Variants in DDAH1 observed in about 807,000 individuals in gnomAD.
The protein encoded by DDAH1 is dimethylarginine dimethylaminohydrolase 1.
Under a neutral mutation model 28.8 loss-of-function variants are expected in DDAH1, and 19 were observed. That is an observed-to-expected ratio of 0.66 (90% CI 0.46 to 0.97). DDAH1 has a LOEUF of 0.97. Among genes scored for constraint, DDAH1 ranks in the 50% least tolerant of loss-of-function variants. The pLI is 0.00. For missense variants in DDAH1, 326 were observed against 375.9 expected (o/e 0.87, Z 1.10); for synonymous variants, 153 against 154.4 (o/e 0.99, Z 0.07).
chr1:85,540,740 T>A (rs1213553126), intron 1 of DDAH1, among the ~76,000 whole-genome samples: 1 of 151,976 alleles, frequency 6.6e-6, no homozygotes, highest in African/African-American at 2.4e-5. Context: ...GGTGGATCAC[T>A]TGAGGTCAGG....
At chr1:85,477,346 C>A (rs1655838690) in intron 2 of DDAH1, among the ~76,000 whole-genome samples, 2 of 152,088 alleles carry the variant, frequency 1.3e-5, no homozygotes, top group African/African-American at 2.4e-5. Context: ...TGACAGGGGG[C>A]CTGTCAATAA....
intron 1 of DDAH1, chr1:85,448,095 C>A (rs1003100181): frequency 1.3e-5 from 2 of 152,264 alleles, no homozygotes; most frequent in Admixed American, 6.5e-5. Context: ...GAATGCGGCC[C>A]AACACAAATT....
chr1:85,383,504 A>C (rs1464711063), intron 1 of DDAH1, among the ~76,000 whole-genome samples: 1 of 152,232 alleles, frequency 6.6e-6, no homozygotes, highest in Non-Finnish European at 1.5e-5. Context: ...AAATGATAAT[A>C]AAATATTTAG....
At chr1:85,414,679 A>G (rs1224373148) in intron 1 of DDAH1, among the ~76,000 whole-genome samples, 1 of 152,158 alleles carries the variant, frequency 6.6e-6, no homozygotes, top group African/African-American at 2.4e-5. Flanking sequence ...ACTAACCTAC[A>G]ATGCTCTCTT....
Position 85,331,879 on chromosome 1 carries a change from A to G in DDAH1, c.598-6996T>C, listed in dbSNP as rs74096892. On this transcript the variant is annotated intron_variant, in intron 4 of 5. Coordinates refer to ENST00000284031, the MANE Select transcript of DDAH1 (RefSeq NM_012137.4). ...CTGGAATTCAGCAGAGAAGTGACAG[A>G]AAACACCTGAGATACTGAAGGAGAG... Among the ~76,000 whole-genome samples, 1,035 of 152,316 alleles carry G rather than the reference A, an allele frequency of 6.8e-3. 10 individuals carry two copies. Among genetic ancestry groups the G allele is most frequent in the African/African-American group, 0.024 (981 of 41,570 alleles).
intron 2 of DDAH1, 24 bp downstream of exon 2, chr1:85,358,724 T>C (rs776786884): frequency 1.4e-6 from 2 of 1,450,986 alleles, no homozygotes; most frequent in South Asian, 2.5e-5. Flanking sequence ...TATTCTTGGA[T>C]AGAAAAAATA....
At chr1:85,326,177 T>TAGAAGTG (rs1277348459) in intron 4 of DDAH1, among the ~76,000 whole-genome samples, 2 of 152,182 alleles carry the variant, frequency 1.3e-5, no homozygotes, top group Non-Finnish European at 2.9e-5. Context: ...AATCATTCAC[T>TAGAAGTG]TCTAGTGTGG....
At chr1:85,386,019 G>A (rs1368205201) in intron 1 of DDAH1, among the ~76,000 whole-genome samples, 1 of 152,058 alleles carries the variant, frequency 6.6e-6, no homozygotes, top group Non-Finnish European at 1.5e-5. Context: ...ATTACCAGGA[G>A]GATGGCACCA....
At chr1:85,333,494 A>G (rs1391164197) in intron 4 of DDAH1, among the ~76,000 whole-genome samples, 1 of 152,202 alleles carries the variant, frequency 6.6e-6, no homozygotes, top group Non-Finnish European at 1.5e-5. Flanking sequence ...AACTAAATTT[A>G]TGAAGTGCCT....
chr1:85,340,024 G>A (rs1181155152), intron 4 of DDAH1, among the ~76,000 whole-genome samples: 1 of 152,038 alleles, frequency 6.6e-6, no homozygotes, highest in East Asian at 1.9e-4. Context: ...ATCTAACACT[G>A]CTAGAGATGG....
At chr1:85,562,174 T>TAA (rs927142154) in intron 1 of DDAH1, among the ~76,000 whole-genome samples, 1 of 150,670 alleles carries the variant, frequency 6.6e-6, no homozygotes, top group South Asian at 2.1e-4. Context: ...ATGGCTTTAT[T>TAA]AAAAAAAAAC....
chr1:85,530,600 G>A (rs1351348779), intron 1 of DDAH1, among the ~76,000 whole-genome samples: 4 of 151,752 alleles, frequency 2.6e-5, no homozygotes, highest in Non-Finnish European at 4.4e-5. Context: ...TCAGTTCTTC[G>A]TAAAGTGCAT....
chr1:85,554,416 G>A (rs1189308830), intron 1 of DDAH1, among the ~76,000 whole-genome samples: 4 of 151,508 alleles, frequency 2.6e-5, no homozygotes, highest in Non-Finnish European at 5.9e-5. Context: ...TTCTGACTGA[G>A]AATGTGCTTT....
At chr1:85,345,414 C>G (rs1648785943) in intron 4 of DDAH1, among the ~76,000 whole-genome samples, 1 of 151,580 alleles carries the variant, frequency 6.6e-6, no homozygotes, top group African/African-American at 2.4e-5. Context: ...ATGCAGGTTG[C>G]TCTAAAAACT....
At position 85,464,228 on chromosome 1, in the gene DDAH1, T is replaced by G. The variant is rs76015079; in HGVS notation, c.303+515A>C. Among the ~76,000 whole-genome samples, 1,839 of 152,236 alleles carry G rather than the reference T, an allele frequency of 0.012. 35 individuals are homozygous for G. The highest frequency in any genetic ancestry group is 0.043 in the African/African-American group (1,774 of 41,530). On this transcript the variant is annotated intron_variant, in intron 1 of 5. Coordinates refer to ENST00000284031, the MANE Select transcript of DDAH1 (RefSeq NM_012137.4). This position sits in a 1 kb window ranked among gnomAD's most constrained non-coding sequence, Gnocchi z 4.4. Reference sequence around the variant, plus strand: ...GGACTCACTCGCCACCACTGAAAACTAACTTGAGAAGCCCCAGGTCTGTGG... The same window carrying G: ...GGACTCACTCGCCACCACTGAAAACGAACTTGAGAAGCCCCAGGTCTGTGG...
rs12093307 is a variant in DDAH1, at chr1:85,519,321, A to C, written c.-122-23040T>G. Among the ~76,000 whole-genome samples, 281 of 152,116 alleles carry C rather than the reference A, an allele frequency of 1.8e-3. 2 individuals are homozygous for C. The highest frequency in any genetic ancestry group is 6.5e-3 in the African/African-American group (269 of 41,534). On this transcript the variant is annotated intron_variant, in intron 1 of 6. Coordinates refer to the DDAH1 transcript ENST00000426972. Reference sequence around the variant, plus strand: ...CCGTGTTAGCCAGGATGGTCTCGATATCCTGACCTCGTGATCCGCCCGCCG... The same window carrying C: ...CCGTGTTAGCCAGGATGGTCTCGATCTCCTGACCTCGTGATCCGCCCGCCG...
At chr1:85,493,195 A>G (rs187920126) in intron 2 of DDAH1, among the ~76,000 whole-genome samples, 159 of 152,208 alleles carry the variant, frequency 1.0e-3, no homozygotes, top group Non-Finnish European at 1.9e-3. Context: ...GACTGTTTTT[A>G]TAGGCCTCTA....
At chr1:85,392,212 T>A (rs1651585221) in intron 1 of DDAH1, among the ~76,000 whole-genome samples, 1 of 152,160 alleles carries the variant, frequency 6.6e-6, no homozygotes, top group South Asian at 2.1e-4. Flanking sequence ...GAGGAAAGCA[T>A]CTGTTCTAGG....
chr1:85,465,117 G>C lies in DDAH1; in HGVS notation c.-72C>G. 8.5e-7 allele frequency: 1 copy of C among 1,178,752 alleles called. No individual in the cohort carries two copies. The highest frequency in any genetic ancestry group is 1.0e-6 in the Non-Finnish European group (1 of 954,746). The allele number at this position is 1,178,752 out of a possible 1,614,324, so 73.0% of individuals were successfully genotyped here. A position where few individuals can be genotyped will look rare whatever the true frequency, so the allele number is the denominator to read the frequency against. Reference sequence around the variant, plus strand: ...TCCTGCCGCGGGCAGCGCGCGCTGAGCCTGCGAGCGCCCGTCGGCTCCTCT... The same window carrying C: ...TCCTGCCGCGGGCAGCGCGCGCTGACCCTGCGAGCGCCCGTCGGCTCCTCT... On this transcript the variant is annotated 5_prime_UTR_variant, in exon 1 of 6. Transcript: ENST00000284031.
Sources: gnomAD v4.1 joint callset for allele counts (sites outside exome capture counted in the v4.1 genomes callset) on GRCh38, gnomAD v4.1.1 for gene constraint, Gnocchi (gnomAD v3.1) non-coding constraint, MANE v1.5 for transcripts, NCBI Gene and HGNC (gene_info 2026-07-23, HGNC 2026-07-21) for gene names.